FAM107B: variants seen among roughly 807,000 people sequenced by gnomAD.
The protein encoded by FAM107B is family with sequence similarity 107 member B.
FAM107B carries 21 observed loss-of-function variants against 31.5 expected under a neutral mutation model. The ratio of observed to expected loss-of-function variants is 0.67; its 90% confidence interval spans 0.47 to 0.96. FAM107B has a LOEUF of 0.96. FAM107B is among the 40% of genes least tolerant of loss of function. The pLI, the probability that FAM107B is intolerant of heterozygous loss-of-function variation, is 0.00. For missense variants in FAM107B, 452 were observed against 377.1 expected, an observed-to-expected ratio of 1.20 and a Z score of -1.64; for synonymous variants, 157 against 141.5, an observed-to-expected ratio of 1.11 and a Z score of -0.78.
At chr10:14,604,773 C>CAG (rs1852543693) in intron 2 of FAM107B, among the ~76,000 whole-genome samples, 1 of 151,328 alleles carries the variant, frequency 6.6e-6, no homozygotes, top group Non-Finnish European at 1.5e-5. Context: ...GTCTCTCTCA[C>CAG]ACACACATTC....
chr10:14,579,257 C>T (rs1414657777), intron 2 of FAM107B, among the ~76,000 whole-genome samples: 1 of 152,202 alleles, frequency 6.6e-6, no homozygotes, highest in Non-Finnish European at 1.5e-5. Flanking sequence ...CATTTGGAAA[C>T]ACCCATACCA....
intron 2 of FAM107B, among the ~76,000 whole-genome samples, chr10:14,631,591 C>T (rs1349646888): frequency 6.6e-6 from 1 of 152,168 alleles, no homozygotes; most frequent in Non-Finnish European, 1.5e-5. Context: ...CCATGCCCCG[C>T]CCCAAACCTA....
chr10:14,611,257 G>A (rs1564599592), intron 2 of FAM107B, among the ~76,000 whole-genome samples: 1 of 152,054 alleles, frequency 6.6e-6, no homozygotes, highest in Non-Finnish European at 1.5e-5. Context: ...ACACTAATGA[G>A]TAAACAAACC....
intron 1 of FAM107B, among the ~76,000 whole-genome samples, chr10:14,681,429 C>T (rs1199668715): frequency 6.6e-6 from 1 of 152,174 alleles, no homozygotes; most frequent in African/African-American, 2.4e-5. Context: ...ATTGCATGCT[C>T]AAGGCCACTT....
intron 1 of FAM107B, among the ~76,000 whole-genome samples, chr10:14,732,738 T>C (rs117268804): frequency 0.046 from 6,896 of 149,638 alleles, 227 homozygotes; most frequent in South Asian, 0.079. Flanking sequence ...TAATTAACAA[T>C]ATTCTTTAAT....
At chr10:14,651,830 G>A (rs1853907913) in intron 2 of FAM107B, among the ~76,000 whole-genome samples, 1 of 152,156 alleles carries the variant, frequency 6.6e-6, no homozygotes, top group South Asian at 2.1e-4. Context: ...GACAAGTTAG[G>A]AGATGATGAA....
chr10:14,530,491 T>C lies in FAM107B; in HGVS notation c.494A>G (p.His165Arg), dbSNP rs772869644. The change falls in exon 3 of 5, where the codon CAT becomes CGT. Residue 165 changes from histidine to arginine, a missense_variant. His to Arg is a conservative substitution (Grantham distance 29). Coordinates refer to ENST00000181796, the MANE Select transcript of FAM107B (RefSeq NM_031453.4). ...TCTTGTAATGAGATATGAGTCCTTA[T>C]GGTCAATATCCTCAGGTGGGCTGTC... ...TSDSPPEDID[H>R]KDSYLITRSI... 19 of 1,613,370 alleles carry C rather than the reference T, an allele frequency of 1.2e-5. No homozygotes were observed. The highest frequency in any genetic ancestry group is 1.7e-5 in the Admixed American group (1 of 59,880).
chr10:14,650,843 A>T (rs1404281234), intron 2 of FAM107B, among the ~76,000 whole-genome samples: 1 of 152,224 alleles, frequency 6.6e-6, no homozygotes, highest in African/African-American at 2.4e-5. Context: ...AATATTTTTT[A>T]AAAACTCAAC....
intron 2 of FAM107B, among the ~76,000 whole-genome samples, chr10:14,626,746 G>A (rs1410166031): frequency 6.6e-6 from 1 of 152,026 alleles, no homozygotes; most frequent in Non-Finnish European, 1.5e-5. Context: ...CTCGTGATCT[G>A]CCCGCCTGAG....
At chr10:14,576,254 T>TGGCTGAGTTGGCCACGC (rs1851461737) in intron 2 of FAM107B, among the ~76,000 whole-genome samples, 1 of 152,012 alleles carries the variant, frequency 6.6e-6, no homozygotes, top group African/African-American at 2.4e-5. Flanking sequence ...GTTGGCCACG[T>TGGCTGAGTTGGCCACGC]GCAGTGGCTC....
chr10:14,719,368 G>T (rs1295234941), intron 1 of FAM107B, among the ~76,000 whole-genome samples: 2 of 152,222 alleles, frequency 1.3e-5, no homozygotes. Flanking sequence ...AAATGGGTTT[G>T]TAAGTGTCCT....
chr10:14,597,965 T>TA lies in FAM107B; in HGVS notation c.470-67451dup, dbSNP rs1488509681. Reference sequence around the variant, plus strand: ...ACTCTGTCTCAAAAAGACAAAATAATAAAAAAAAACTCCGAGTTGAAATGT... The same window carrying TA: ...ACTCTGTCTCAAAAAGACAAAATAATAAAAAAAAAACTCCGAGTTGAAATGT... On this transcript the variant is annotated intron_variant, in intron 2 of 4. Transcript: ENST00000181796. Among the ~76,000 whole-genome samples the TA allele has an allele frequency of 2.9e-3, 434 of 151,408 alleles. 2 individuals carry two copies. The highest frequency in any genetic ancestry group is 9.7e-3 in the African/African-American group (399 of 41,334).
In FAM107B at chr10:14,710,431, T is replaced by TACAC. The variant is rs57418409; in HGVS notation, c.412-42744_412-42741dup. 6.9e-3 allele frequency among the ~76,000 whole-genome samples: 1,011 copies of TACAC among 146,496 alleles called. 3 individuals carry two copies. Among genetic ancestry groups the TACAC allele is most frequent in the African/African-American group, 1.0e-2 (397 of 39,806 alleles). On this transcript the variant is annotated intron_variant, in intron 1 of 4. Coordinates refer to ENST00000181796, the MANE Select transcript of FAM107B (RefSeq NM_031453.4). ...ATATTTTTTTGCCTGTCTCTAAAAA[T>TACAC]ACACACACACACACACACACACACA...
At chr10:14,670,703 A>G (rs1854519245) in intron 1 of FAM107B, among the ~76,000 whole-genome samples, 2 of 152,196 alleles carry the variant, frequency 1.3e-5, no homozygotes, top group Non-Finnish European at 2.9e-5. Flanking sequence ...TCCATCTTAA[A>G]TAGCCCCTCC....
chr10:14,669,078 A>C (rs4750545), intron 1 of FAM107B, among the ~76,000 whole-genome samples: 26,848 of 152,098 alleles, frequency 0.18, 2,502 homozygotes, highest in East Asian at 0.3. Flanking sequence ...AAGATAAAGA[A>C]AGGTCCAGGC....
chr10:14,680,149 C>T lies in FAM107B; in HGVS notation c.412-12458G>A, dbSNP rs563044319. On this transcript the variant is annotated intron_variant, in intron 1 of 4. Coordinates refer to ENST00000181796, the MANE Select transcript of FAM107B (RefSeq NM_031453.4). The stretch of plus-strand genomic sequence containing the variant: ...TATAATACAGGTTGCTTGGCTGGGA[C>T]TCTTCAACTGGGCTGGTGGAAGTCT... Among the ~76,000 whole-genome samples the T allele has an allele frequency of 3.3e-5, 5 of 152,282 alleles. No homozygotes were observed. The East Asian group carries it at 9.6e-4, about 29-fold the overall frequency.
At chr10:14,544,180 A>G (rs1269755353) in intron 2 of FAM107B, among the ~76,000 whole-genome samples, 1 of 152,182 alleles carries the variant, frequency 6.6e-6, no homozygotes, top group Non-Finnish European at 1.5e-5. Flanking sequence ...GCTCCCAGCT[A>G]CCACAGTCAA....
At chr10:14,647,570 G>C (rs1001761470) in intron 2 of FAM107B, among the ~76,000 whole-genome samples, 13 of 151,798 alleles carry the variant, frequency 8.6e-5, no homozygotes, top group African/African-American at 3.1e-4. Context: ...TGTAGTCCCA[G>C]CTACTCGGGA....
intron 2 of FAM107B, among the ~76,000 whole-genome samples, chr10:14,557,308 T>C (rs1422148246): frequency 5.9e-5 from 9 of 152,236 alleles, no homozygotes; most frequent in Admixed American, 5.9e-4. Context: ...TCTTCAAGGC[T>C]AGGAATTCTA....
Sources: gnomAD v4.1 joint callset for allele counts (sites outside exome capture counted in the v4.1 genomes callset) on GRCh38, gnomAD v4.1.1 for gene constraint, MANE v1.5 for transcripts, NCBI Gene and HGNC (gene_info 2026-07-23, HGNC 2026-07-21) for gene names.